Variants in MRGPRX3 observed in about 807,000 individuals in gnomAD.
The protein encoded by MRGPRX3 is mas-related G protein-coupled receptor member X3.
In MRGPRX3, 14 loss-of-function variants were observed where a neutral mutation model predicts 16.5. The observed-to-expected ratio is 0.85, with a 90% CI of 0.56 to 1.33. The LOEUF (loss-of-function observed/expected upper bound fraction) is 1.33. Among genes scored for constraint, MRGPRX3 ranks in the 40% most tolerant of loss-of-function variants. The probability of loss-of-function intolerance (pLI) is 0.00; values close to 1 mark genes in which losing one functional copy is unlikely to be tolerated. For missense variants in MRGPRX3, 449 were observed against 413.0 expected, an observed-to-expected ratio of 1.09 and a Z score of -0.76; for synonymous variants, 199 against 180.1, an observed-to-expected ratio of 1.10 and a Z score of -0.84.
chr11:18,133,636 C>T (rs1264783123), intron 1 of MRGPRX3, among the ~76,000 whole-genome samples: 1 of 152,186 alleles, frequency 6.6e-6, no homozygotes, highest in Non-Finnish European at 1.5e-5. Context: ...CGCCTCGCTC[C>T]CCCTTTGCCT....
intron 1 of MRGPRX3, among the ~76,000 whole-genome samples, chr11:18,126,524 G>T (rs967061292): frequency 6.6e-6 from 1 of 151,850 alleles, no homozygotes; most frequent in African/African-American, 2.4e-5. Flanking sequence ...TAAGTTTTAG[G>T]GTACATGTGC....
chr11:18,135,107 C>T (rs1848996522), intron 1 of MRGPRX3, among the ~76,000 whole-genome samples: 1 of 152,166 alleles, frequency 6.6e-6, no homozygotes, highest in African/African-American at 2.4e-5. Context: ...ATTGGACCTG[C>T]TCTTCATGTT....
In MRGPRX3 at chr11:18,136,101, C is replaced by T. The variant is rs191628142; in HGVS notation, c.-25-1077C>T. On this transcript the variant is annotated intron_variant, in intron 1 of 1. Coordinates refer to ENST00000621697, the MANE Select transcript of MRGPRX3 (RefSeq NM_001370464.1). ...CCTATTTCCACTCATGGACTCCTCT[C>T]ATACAAATGTTTGCATCAACAAAGA... Among the ~76,000 whole-genome samples, 15 of 152,332 alleles carry T rather than the reference C, an allele frequency of 9.8e-5. No individual in the cohort carries two copies. In the East Asian group the frequency reaches 2.9e-3, roughly 29 times the overall value.
At chr11:18,128,930 C>T (rs1397481965), upstream of MRGPRX3, among the ~76,000 whole-genome samples, 1 of 152,180 alleles carries the variant, frequency 6.6e-6, no homozygotes, top group African/African-American at 2.4e-5. Context: ...CTCCACCCCC[C>T]TCCTGAATTA....
upstream of MRGPRX3, among the ~76,000 whole-genome samples, chr11:18,130,685 G>T (rs1270019773): frequency 8.6e-6 from 1 of 116,882 alleles, no homozygotes; most frequent in Non-Finnish European, 1.8e-5. Flanking sequence ...AAATTCATAT[G>T]GAACAACAAC....
In MRGPRX3 at chr11:18,137,305, T is replaced by A; in HGVS notation, c.103T>A (p.Cys35Ser). 6.2e-7 allele frequency: 1 copy of A among 1,614,154 alleles called. No homozygotes were observed. The highest frequency in any genetic ancestry group is 8.5e-7 in the Non-Finnish European group (1 of 1,180,020). ...GACCCTGAGCTTCACGGGGCTGACG[T>A]GCATCGTTTCCCTTGTCGCGCTGAC... ...KQTLSFTGLT[C>S]IVSLVALTGN... Residue 35 changes from cysteine to serine, a missense_variant, in exon 2 of 2, where the codon TGC becomes AGC. Transcript: ENST00000621697.
At position 18,138,455 on chromosome 11, in the gene MRGPRX3, G is replaced by A. The variant is rs1849036040; in HGVS notation, c.*284G>A. 1 of 357,558 alleles carries A rather than the reference G, an allele frequency of 2.8e-6. No individual in the cohort carries two copies. Among genetic ancestry groups the A allele is most frequent in the South Asian group, 8.0e-5 (1 of 12,476 alleles). 22.1% of individuals were successfully genotyped at this position (357,558 alleles called of 1,614,324 possible). On this transcript the variant is annotated 3_prime_UTR_variant, in exon 2 of 2. Transcript: ENST00000621697. ...GAACACTTTTTCTGCACTTTTCATT[G>A]TAATAAAAGGAGTTGCTGTCCACAA...
intron 1 of MRGPRX3, among the ~76,000 whole-genome samples, chr11:18,122,903 A>C (rs889064708): frequency 6.6e-6 from 1 of 152,072 alleles, no homozygotes; most frequent in Non-Finnish European, 1.5e-5. Context: ...ATGGTATCTC[A>C]TTGTGGTTTT....
At chr11:18,125,334 A>C (rs188829819) in intron 1 of MRGPRX3, among the ~76,000 whole-genome samples, 421 of 152,218 alleles carry the variant, frequency 2.8e-3, no homozygotes, top group Non-Finnish European at 4.9e-3. Flanking sequence ...TTAGTGCTAT[A>C]AATTTCCCTC....
chr11:18,130,930 G>A (rs761082508), upstream of MRGPRX3, among the ~76,000 whole-genome samples: 7 of 152,110 alleles, frequency 4.6e-5, no homozygotes, highest in Non-Finnish European at 8.8e-5. Context: ...ACATAAAGTG[G>A]GGAAAAGACA....
chr11:18,135,172 T>C (rs1232660643), intron 1 of MRGPRX3, among the ~76,000 whole-genome samples: 2 of 152,214 alleles, frequency 1.3e-5, no homozygotes, highest in Non-Finnish European at 2.9e-5. Context: ...TTATGTTATA[T>C]GAGGATAATA....
chr11:18,137,454 G>A lies in MRGPRX3; in HGVS notation c.252G>A (p.Pro84=), dbSNP rs148328055. Residue 84 remains proline (P), a synonymous_variant, in exon 2 of 2, where the codon CCG becomes CCA. Transcript: ENST00000621697. The part of the protein sequence containing the change: ...LFLSGHIICS[P]LRLINIRHPI... ...TTAGCGGCCACATTATATGTTCGCC[G>A]TTACGCCTCATCAATATCCGCCATC... 567 of 1,614,138 alleles carry A rather than the reference G, an allele frequency of 3.5e-4. 2 individuals are homozygous for A. Among genetic ancestry groups the A allele is most frequent in the Admixed American group, 1.3e-3 (76 of 60,018 alleles).
chr11:18,128,645 G>T (rs927269444), upstream of MRGPRX3, among the ~76,000 whole-genome samples: 1 of 152,204 alleles, frequency 6.6e-6, no homozygotes, highest in African/African-American at 2.4e-5. Flanking sequence ...TATTAGGATG[G>T]GAGTGACCCG....
At chr11:18,122,063 T>C (rs1848845195) in intron 1 of MRGPRX3, among the ~76,000 whole-genome samples, 3 of 151,558 alleles carry the variant, frequency 2.0e-5, no homozygotes, top group Admixed American at 2.0e-4. Context: ...AGATTTTTTT[T>C]TGTTAGAAAT....
chr11:18,122,176 A>T (rs184392771), intron 1 of MRGPRX3, among the ~76,000 whole-genome samples: 455 of 152,166 alleles, frequency 3.0e-3, no homozygotes, highest in South Asian at 5.6e-3. Context: ...GCTGCAAGAG[A>T]TAACATTCCT....
chr11:18,136,074 C>A (rs2055547249), intron 1 of MRGPRX3, among the ~76,000 whole-genome samples: 1 of 152,168 alleles, frequency 6.6e-6, no homozygotes, highest in African/African-American at 2.4e-5. Context: ...CCCTACACTT[C>A]TCCTATTTCC....
At chr11:18,130,466 A>T (rs1173097137), upstream of MRGPRX3, among the ~76,000 whole-genome samples, 3 of 152,154 alleles carry the variant, frequency 2.0e-5, no homozygotes, top group African/African-American at 7.2e-5. Flanking sequence ...TTCTTACCCA[A>T]GGAGGTGAAG....
In MRGPRX3 at chr11:18,137,572, A is replaced by G. The variant is rs758505061; in HGVS notation, c.370A>G (p.Ile124Val). The change falls in exon 2 of 2, where the codon ATC becomes GTC. Residue 124 changes from isoleucine to valine, a missense_variant. By Grantham distance (29) the Ile-to-Val change is conservative (BLOSUM62 3). Coordinates refer to ENST00000621697, the MANE Select transcript of MRGPRX3 (RefSeq NM_001370464.1). ...CATCAGCACCGAGCGCTGCCTGTCCATCCTGTGGCCCATCTGGTACCACTG... is the reference window on the plus strand; with the variant it reads ...CATCAGCACCGAGCGCTGCCTGTCCGTCCTGTGGCCCATCTGGTACCACTG... Reference protein sequence around the residue: ...SAISTERCLSILWPIWYHCRR... With the variant: ...SAISTERCLSVLWPIWYHCRR... The G allele has an allele frequency of 6.6e-5, 107 of 1,613,868 alleles. 2 individuals carry two copies. In the South Asian group the frequency reaches 8.5e-4, roughly 13 times the overall value.
In MRGPRX3 at chr11:18,138,356, C is replaced by T. The variant is rs1412978767; in HGVS notation, c.*185C>T. 5.9e-6 allele frequency: 5 copies of T among 847,244 alleles called. No individual in the cohort carries two copies. In the African/African-American group the frequency reaches 6.8e-5, roughly 12 times the overall value. 52.5% of individuals were successfully genotyped at this position (847,244 alleles called of 1,614,324 possible). ...TCACCCATGGAAAGCATTAGTCTGA[C>T]AGTACAATGTTTGGATTCTCCTTGA... On this transcript the variant is annotated 3_prime_UTR_variant, in exon 2 of 2. Transcript: ENST00000621697.
Sources: gnomAD v4.1 joint callset for allele counts (sites outside exome capture counted in the v4.1 genomes callset) on GRCh38, gnomAD v4.1.1 for gene constraint, MANE v1.5 for transcripts, NCBI Gene and HGNC (gene_info 2026-07-23, HGNC 2026-07-21) for gene names.